The following XPA variants were observed in gnomAD, a reference collection of about 807,000 sequenced individuals.
The protein encoded by XPA is DNA repair protein complementing XP-A cells.
A neutral mutation model predicts 35.7 loss-of-function variants in XPA; 27 were observed. The ratio of observed to expected loss-of-function variants is 0.76; its 90% CI spans 0.56 to 1.04. The LOEUF (loss-of-function observed/expected upper bound fraction) is 1.04. Among genes scored for constraint, XPA ranks in the 50% least tolerant of loss-of-function variants. The probability of loss-of-function intolerance (pLI) is 0.00; values close to 1 mark genes in which losing one functional copy is unlikely to be tolerated. For missense variants in XPA, 354 were observed against 342.7 expected (o/e 1.03, Z -0.26); for synonymous variants, 133 against 118.4 (o/e 1.12, Z -0.80).
chr9:97,673,230 G>A (rs1828249264), downstream of XPA: 1 of 152,140 alleles, frequency 6.6e-6, no homozygotes, highest in Non-Finnish European at 1.5e-5. Flanking sequence ...AGTTTTGGGG[G>A]AGTCAAAAGT....
chr9:97,695,059 A>G (rs187171261), intron 1 of XPA, among the ~76,000 whole-genome samples: 4 of 152,344 alleles, frequency 2.6e-5, no homozygotes, highest in Admixed American at 2.6e-4. Flanking sequence ...TCAGAAGAGT[A>G]TTACTTCTGA....
chr9:97,692,291 C>G (rs979530583), intron 2 of XPA, among the ~76,000 whole-genome samples: 1 of 148,942 alleles, frequency 6.7e-6, no homozygotes, highest in Non-Finnish European at 1.5e-5. Flanking sequence ...AACTCTGTCT[C>G]AAAGAAAAAA....
chr9:97,665,399 A>G, the XPA span, among the ~76,000 whole-genome samples: 1 of 152,210 alleles, frequency 6.6e-6, no homozygotes, highest in South Asian at 2.1e-4. Flanking sequence ...ATTTTACAGA[A>G]TAGGGAAGTG....
At chr9:97,661,758 A>G in the XPA span, among the ~76,000 whole-genome samples, 20 of 147,188 alleles carry the variant, frequency 1.4e-4, no homozygotes, top group African/African-American at 4.8e-4. Context: ...TTTGGTATTA[A>G]TATAATAGAG....
At chr9:97,696,606 A>G (rs1471642758) in intron 1 of XPA, among the ~76,000 whole-genome samples, 1 of 152,088 alleles carries the variant, frequency 6.6e-6, no homozygotes, top group African/African-American at 2.4e-5. Flanking sequence ...TCCAGTTCCT[A>G]TTTGAGCGCT....
intron 3 of XPA, 119 bp from the exon 4 acceptor site, chr9:97,687,380 C>A: frequency 2.6e-6 from 2 of 775,674 alleles, no homozygotes; most frequent in Non-Finnish European, 3.9e-6. Flanking sequence ...CTTTTTCCTG[C>A]AACTCTCATG....
chr9:97,660,892 G>C, the XPA span: 16 of 1,542,332 alleles, frequency 1.0e-5, no homozygotes, highest in African/African-American at 1.5e-4. Context: ...CTGTTCATTA[G>C]AATAGTCTTG....
At chr9:97,682,100 T>C (rs1212436967) in intron 5 of XPA, 20 of 367,420 alleles carry the variant, frequency 5.4e-5, no homozygotes, top group Non-Finnish European at 1.0e-4. Flanking sequence ...ACACACCTTA[T>C]ACTATTTAAA....
the XPA span, among the ~76,000 whole-genome samples, chr9:97,667,177 G>C: frequency 6.6e-6 from 1 of 152,108 alleles, no homozygotes; most frequent in African/African-American, 2.4e-5. Context: ...GAAGGGAAGA[G>C]GACACTTGTA....
the XPA span, among the ~76,000 whole-genome samples, chr9:97,665,647 ATTGT>A: frequency 6.6e-6 from 1 of 152,170 alleles, no homozygotes; most frequent in Admixed American, 6.5e-5. Flanking sequence ...TTATGAACAG[ATTGT>A]TTTATTATCT....
chr9:97,658,786 T>C, the XPA span: 1 of 1,397,048 alleles, frequency 7.2e-7, no homozygotes, highest in Non-Finnish European at 1.0e-6. Context: ...AAGGTACCAG[T>C]TCAAGTATAT....
rs3176656 is a variant in XPA, at chr9:97,692,604, C to T, written c.283+1045G>A. On this transcript the variant is annotated intron_variant, in intron 2 of 5. Coordinates refer to ENST00000375128, the MANE Select transcript of XPA (RefSeq NM_000380.4). ...TACCAATTAGGAAGCTATTACATAG[C>T]ATTATTAATCAAAACATTTAAAATG... Among the ~76,000 whole-genome samples the T allele has an allele frequency of 3.0e-4, 45 of 152,246 alleles. 1 individual carries two copies. The South Asian group carries it at 5.8e-3, about 20-fold the overall frequency.
intron 5 of XPA, among the ~76,000 whole-genome samples, chr9:97,683,970 GTA>G (rs1828626604): frequency 6.6e-6 from 1 of 152,170 alleles, no homozygotes; most frequent in Non-Finnish European, 1.5e-5. Context: ...TATACATAAA[GTA>G]TGTGTTATCT....
downstream of XPA, chr9:97,674,812 G>GAAC: frequency 2.6e-6 from 1 of 387,750 alleles, no homozygotes; most frequent in Non-Finnish European, 5.0e-6. Flanking sequence ...AGTCAACCAT[G>GAAC]AAAACAGCTC....
intron 1 of XPA, among the ~76,000 whole-genome samples, chr9:97,696,650 T>C (rs559636433): frequency 3.3e-5 from 5 of 152,292 alleles, no homozygotes; most frequent in African/African-American, 1.2e-4. Flanking sequence ...AAGCAATCCA[T>C]TGCACTTTTG....
Position 97,697,332 on chromosome 9 carries a change from A to C in XPA, c.-40T>G. ...GAGGACCTAGCTCCCAGCTCCACGC[A>C]CGCGCACTGCACGCCGAGGCGAGCC... is the stretch of plus-strand genomic sequence containing the variant. On this transcript the variant is annotated 5_prime_UTR_variant, in exon 1 of 6. Transcript: ENST00000375128. 6.3e-7 allele frequency: 1 copy of C among 1,595,226 alleles called. No homozygotes were observed. Among genetic ancestry groups the C allele is most frequent in the South Asian group, 1.1e-5 (1 of 90,906 alleles).
rs755452842 is a variant in XPA at position 97,697,264 on chromosome 9, T to G, written c.29A>C (p.Glu10Ala). MAAADGALPEAAALEQPAEL... is the reference protein window; with the variant it reads MAAADGALPAAAALEQPAEL... ...CGCGGGTTGCTCTAAAGCCGCCGCCTCCGGCAAAGCCCCGTCGGCCGCCGC... is the reference window on the plus strand; with the variant it reads ...CGCGGGTTGCTCTAAAGCCGCCGCCGCCGGCAAAGCCCCGTCGGCCGCCGC... Residue 10 changes from glutamate to alanine, a missense_variant, in exon 1 of 6, where the codon GAG becomes GCG. Coordinates refer to ENST00000375128, the MANE Select transcript of XPA (RefSeq NM_000380.4). 6.3e-7 allele frequency: 1 copy of G among 1,599,182 alleles called. No homozygotes were observed. The highest frequency in any genetic ancestry group is 1.3e-5 in the African/African-American group (1 of 74,670).
At chr9:97,673,295 C>A (rs1828251684), downstream of XPA, 1 of 152,048 alleles carries the variant, frequency 6.6e-6, no homozygotes, top group African/African-American at 2.4e-5. Context: ...CCATGTTGTT[C>A]AAGGGTCAAC....
At chr9:97,675,706 T>C (rs1828343096) in intron 5 of XPA, 119 bp from the exon 6 acceptor site, 1 of 1,221,948 alleles carries the variant, frequency 8.2e-7, no homozygotes, top group Non-Finnish European at 1.2e-6. Context: ...ATTTAAACCA[T>C]ATATAGTTTA....
Sources: gnomAD v4.1 joint callset for allele counts (sites outside exome capture counted in the v4.1 genomes callset) on GRCh38, gnomAD v4.1.1 for gene constraint, MANE v1.5 for transcripts, NCBI Gene and HGNC (gene_info 2026-07-23, HGNC 2026-07-21) for gene names.